Variants in ZMYM4 observed in about 807,000 individuals in gnomAD.
ZMYM4 encodes zinc finger MYM-type containing 4, also known as zinc finger MYM-type protein 4.
Under a neutral mutation model 183.2 loss-of-function variants are expected in ZMYM4, and 31 were observed. The ratio of observed to expected loss-of-function variants is 0.17; its 90% CI spans 0.13 to 0.23. ZMYM4 has a LOEUF of 0.23. Ranked by LOEUF, ZMYM4 falls within the 10% of genes least tolerant of loss-of-function variation. The probability of loss-of-function intolerance (pLI) is 1.00; values close to 1 mark genes in which losing one functional copy is unlikely to be tolerated. For synonymous variants in ZMYM4, 592 were observed against 631.2 expected, an observed-to-expected ratio of 0.94 and a Z score of 0.93; for missense variants, 1,273 against 1,840.3, an observed-to-expected ratio of 0.69 and a Z score of 5.64.
chr1:35,404,954 T>G lies in ZMYM4; in HGVS notation c.3529-69T>G, dbSNP rs1207107196. The G allele has an allele frequency of 2.0e-6, 3 of 1,470,206 alleles. No individual in the cohort carries two copies. In the African/African-American group the frequency reaches 4.2e-5, roughly 21 times the overall value. The allele number at this position is 1,470,206 out of a possible 1,614,324, so 91.1% of individuals were successfully genotyped here. ...CTACAAATGTATACCCTTTCCAGCTTTGAGAACCCTGACTCTTAAAAATCC... is the reference window on the plus strand; with the variant it reads ...CTACAAATGTATACCCTTTCCAGCTGTGAGAACCCTGACTCTTAAAAATCC... On this transcript the variant is annotated intron_variant, in intron 23 of 29. Coordinates refer to ENST00000314607, the MANE Select transcript of ZMYM4 (RefSeq NM_005095.3).
intron 1 of ZMYM4, among the ~76,000 whole-genome samples, chr1:35,307,605 G>C (rs185239581): frequency 0.017 from 2,616 of 149,844 alleles, 73 homozygotes; most frequent in African/African-American, 0.06. Context: ...CACGATCTCG[G>C]CTCACTGCAA....
chr1:35,303,649 A>G (rs1036094236), intron 1 of ZMYM4, among the ~76,000 whole-genome samples: 3 of 152,088 alleles, frequency 2.0e-5, no homozygotes, highest in South Asian at 4.1e-4. Context: ...CAAGTGATAC[A>G]TGCATGAGCC....
chr1:35,271,274 C>T (rs547518109), intron 1 of ZMYM4, among the ~76,000 whole-genome samples: 1 of 151,324 alleles, frequency 6.6e-6, no homozygotes, highest in African/African-American at 2.4e-5. Flanking sequence ...ACAACAAATT[C>T]AACTAGATTT....
intron 9 of ZMYM4, among the ~76,000 whole-genome samples, chr1:35,382,455 C>CT (rs543692263): frequency 0.027 from 3,837 of 140,848 alleles, 167 homozygotes; most frequent in African/African-American, 0.091. Flanking sequence ...TAGAGTGTGG[C>CT]TTTTTTTTTT....
chr1:35,281,955 G>T lies in ZMYM4; in HGVS notation c.39+12870G>T, dbSNP rs1034187439. The stretch of plus-strand genomic sequence containing the variant: ...GACATTTCACTTAGCATATTTTCAA[G>T]GTTCATCCAGTTATAGTATGTATCA... On this transcript the variant is annotated intron_variant, in intron 1 of 29. Transcript: ENST00000314607. 2.0e-5 allele frequency among the ~76,000 whole-genome samples: 3 copies of T among 152,104 alleles called. No individual in the cohort carries two copies. The South Asian group carries it at 6.2e-4, about 32-fold the overall frequency.
rs1570544988 is a variant in ZMYM4 at position 35,408,229 on chromosome 1, T to A, written c.3948+70T>A. The A allele has an allele frequency of 3.8e-6, 6 of 1,568,426 alleles. No individual in the cohort carries two copies. In the East Asian group the frequency reaches 1.4e-4, roughly 35 times the overall value. On this transcript the variant is annotated intron_variant, in intron 26 of 29. Transcript: ENST00000314607. ...GACCAGAATATGTCCCCACAGAAAT[T>A]ACATGCACATGTACACACCCAGATA...
At chr1:35,332,375 C>T (rs146438530) in intron 2 of ZMYM4, among the ~76,000 whole-genome samples, 3 of 150,416 alleles carry the variant, frequency 2.0e-5, no homozygotes, top group Non-Finnish European at 2.9e-5. Flanking sequence ...TCAATGGCTC[C>T]GGTGTTCAGA....
At chr1:35,392,179 T>C in intron 15 of ZMYM4, 33 bp from the exon 16 acceptor site, 2 of 1,613,922 alleles carry the variant, frequency 1.2e-6, no homozygotes, top group Non-Finnish European at 1.7e-6. Flanking sequence ...ATAAATCACG[T>C]GAGGTTTCCT....
chr1:35,269,385 A>AAGTGCATCTTT (rs59169140), intron 1 of ZMYM4, among the ~76,000 whole-genome samples: 4 of 150,700 alleles, frequency 2.7e-5, no homozygotes, highest in African/African-American at 9.7e-5. Context: ...TCAGATTCTT[A>AAGTGCATCTTT]AGTGCATCTT....
chr1:35,318,650 G>T (rs1642157559), intron 1 of ZMYM4, among the ~76,000 whole-genome samples: 1 of 151,898 alleles, frequency 6.6e-6, no homozygotes, highest in African/African-American at 2.4e-5. Flanking sequence ...TAGAGACAGG[G>T]TTTTACCATC....
chr1:35,383,226 A>T (rs1170105584), intron 9 of ZMYM4, among the ~76,000 whole-genome samples: 1 of 152,134 alleles, frequency 6.6e-6, no homozygotes, highest in African/African-American at 2.4e-5. Context: ...GGAATAGTAA[A>T]TGCTATATAT....
chr1:35,331,612 C>T (rs184752958), intron 2 of ZMYM4, among the ~76,000 whole-genome samples: 1 of 151,834 alleles, frequency 6.6e-6, no homozygotes, highest in African/African-American at 2.4e-5. Context: ...ATGGTGAAAC[C>T]CTGTTGCTAC....
In ZMYM4 at chr1:35,419,725, T is replaced by A; in HGVS notation, c.*48T>A. On this transcript the variant is annotated 3_prime_UTR_variant, in exon 30 of 30. Transcript: ENST00000314607. Reference sequence around the variant, plus strand: ...TCATACATATTGGTATGCACCAAACTGTGAATGCATCCAGCTGTTGGAAAA... The same window carrying A: ...TCATACATATTGGTATGCACCAAACAGTGAATGCATCCAGCTGTTGGAAAA... The A allele has an allele frequency of 6.4e-7, 1 of 1,572,290 alleles. No individual in the cohort carries two copies. The highest frequency in any genetic ancestry group is 1.4e-5 in the African/African-American group (1 of 73,960).
rs936945828 is a variant in ZMYM4, at chr1:35,289,949, CTTTCTTTTCTTTTT to C, written c.39+20878_39+20891del. On this transcript the variant is annotated intron_variant, in intron 1 of 29. Coordinates refer to ENST00000314607, the MANE Select transcript of ZMYM4 (RefSeq NM_005095.3). ...TCATAGTGATTGACTTGCCAGTTTT[CTTTCTTTTCTTTTT>C]TTTCTTTTCTTTTCTTTTCTTTCAG... is the stretch of plus-strand genomic sequence containing the variant. Among the ~76,000 whole-genome samples, 180 of 152,084 alleles carry C rather than the reference CTTTCTTTTCTTTTT, an allele frequency of 1.2e-3. 1 individual carries two copies. Among genetic ancestry groups the C allele is most frequent in the African/African-American group, 4.2e-3 (173 of 41,500 alleles).
intron 1 of ZMYM4, among the ~76,000 whole-genome samples, chr1:35,294,119 A>G (rs1640895367): frequency 6.7e-6 from 1 of 148,744 alleles, no homozygotes; most frequent in South Asian, 2.1e-4. Flanking sequence ...TGGGTGACAG[A>G]GTGAGACACT....
chr1:35,312,793 T>C (rs1641862208), intron 1 of ZMYM4, among the ~76,000 whole-genome samples: 1 of 145,750 alleles, frequency 6.9e-6, no homozygotes, highest in African/African-American at 2.5e-5. Flanking sequence ...CAATCTTGGC[T>C]GACTGCAACC....
intron 1 of ZMYM4, among the ~76,000 whole-genome samples, chr1:35,286,604 T>G (rs972060462): frequency 3.4e-5 from 5 of 148,212 alleles, no homozygotes; most frequent in Non-Finnish European, 7.4e-5. Context: ...ATTTTTTTTT[T>G]TTTTTTTTTT....
chr1:35,348,024 T>G (rs1643463669), intron 2 of ZMYM4, among the ~76,000 whole-genome samples: 1 of 152,218 alleles, frequency 6.6e-6, no homozygotes, highest in Non-Finnish European at 1.5e-5. Flanking sequence ...ACCTCTAATC[T>G]TCTTGATCAT....
intron 7 of ZMYM4, among the ~76,000 whole-genome samples, chr1:35,379,478 C>T (rs974420575): frequency 7.9e-5 from 12 of 152,186 alleles, no homozygotes; most frequent in East Asian, 1.9e-4. Flanking sequence ...CCAGTTGATC[C>T]GCCCGCCTCG....
Sources: allele counts gnomAD v4.1 joint callset (sites outside exome capture counted in the v4.1 genomes callset), GRCh38; gene constraint gnomAD v4.1.1; transcripts MANE v1.5; gene names NCBI Gene and HGNC (gene_info 2026-07-23, HGNC 2026-07-21).